The following POU6F2 variants were observed in gnomAD, a reference collection of about 807,000 sequenced individuals.
POU6F2 encodes POU class 6 homeobox 2, also known as POU domain, class 6, transcription factor 2.
POU6F2 carries 31 observed loss-of-function variants against 71.3 expected under a neutral mutation model. That is an observed-to-expected ratio of 0.43 (90% confidence interval 0.33 to 0.59). POU6F2 has a LOEUF of 0.59. POU6F2 is among the 20% of genes least tolerant of loss of function. The pLI is 0.04. For missense variants in POU6F2, 783 were observed against 856.8 expected (o/e 0.91, Z 1.07); for synonymous variants, 347 against 355.7 (o/e 0.98, Z 0.27).
intron 5 of POU6F2, among the ~76,000 whole-genome samples, chr7:39,370,004 A>G (rs956086068): frequency 1.3e-5 from 2 of 152,182 alleles, no homozygotes; most frequent in African/African-American, 2.4e-5. Flanking sequence ...ATTAGACATA[A>G]TGCTGTTGAA....
intron 4 of POU6F2, among the ~76,000 whole-genome samples, chr7:39,256,258 A>G (rs1784019881): frequency 6.6e-6 from 1 of 152,076 alleles, no homozygotes; most frequent in Non-Finnish European, 1.5e-5. Context: ...GCAGGCCCTC[A>G]ACGAGTGCTT....
intron 2 of POU6F2, among the ~76,000 whole-genome samples, chr7:39,129,265 C>A (rs1584557190): frequency 6.6e-6 from 1 of 152,254 alleles, no homozygotes; most frequent in Non-Finnish European, 1.5e-5. Flanking sequence ...AAGTCCCAAG[C>A]TTCATAAGAA....
intron 2 of POU6F2, among the ~76,000 whole-genome samples, chr7:39,097,203 T>C (rs1458156204): frequency 6.6e-6 from 1 of 152,156 alleles, no homozygotes; most frequent in African/African-American, 2.4e-5. Context: ...GTTATTATTA[T>C]TATTATTATT....
At chr7:39,256,562 A>G (rs1310847027) in intron 4 of POU6F2, among the ~76,000 whole-genome samples, 2 of 152,216 alleles carry the variant, frequency 1.3e-5, no homozygotes, top group East Asian at 3.9e-4. Context: ...GTAAATAAAA[A>G]TTAAGGTTGT....
chr7:39,055,037 T>C (rs1357871090), intron 1 of POU6F2, among the ~76,000 whole-genome samples: 1 of 152,050 alleles, frequency 6.6e-6, no homozygotes, highest in Non-Finnish European at 1.5e-5. Context: ...AAGATCACTT[T>C]GGGTGCAGAG....
intron 2 of POU6F2, among the ~76,000 whole-genome samples, chr7:39,185,811 ATATGTATATG>A (rs1793522400): frequency 1.7e-4 from 7 of 41,694 alleles, no homozygotes; most frequent in African/African-American, 2.7e-4. Context: ...ATATATATGT[ATATGTATATG>A]TATATGTATA....
chr7:39,331,611 G>A (rs1163837536), intron 4 of POU6F2, among the ~76,000 whole-genome samples: 3 of 152,086 alleles, frequency 2.0e-5, no homozygotes, highest in Non-Finnish European at 2.9e-5. Context: ...GGGTCCAAGC[G>A]ATTCTCCTGC....
intron 1 of POU6F2, among the ~76,000 whole-genome samples, chr7:38,988,719 G>T (rs1410309152): frequency 6.6e-6 from 1 of 152,124 alleles, no homozygotes; most frequent in Non-Finnish European, 1.5e-5. Flanking sequence ...ATTTTAGCAA[G>T]TAGAAAGCTG....
At chr7:39,397,814 G>GTA (rs150006644) in intron 5 of POU6F2, among the ~76,000 whole-genome samples, 2,986 of 128,342 alleles carry the variant, frequency 0.023, 54 homozygotes, top group Middle Eastern at 0.073. Context: ...TATATTTTGT[G>GTA]TATATATATA....
chr7:39,081,766 G>T (rs989200776), intron 1 of POU6F2, among the ~76,000 whole-genome samples: 2 of 152,290 alleles, frequency 1.3e-5, no homozygotes, highest in South Asian at 2.1e-4. Context: ...GGTTATCCAG[G>T]CTTTAACACC....
At chr7:39,173,089 A>G (rs1232886423) in intron 2 of POU6F2, among the ~76,000 whole-genome samples, 1 of 152,202 alleles carries the variant, frequency 6.6e-6, no homozygotes. Flanking sequence ...AATATACCCA[A>G]AAGATTATCA....
intron 6 of POU6F2, among the ~76,000 whole-genome samples, chr7:39,407,566 C>G (rs1482439357): frequency 6.6e-6 from 1 of 151,700 alleles, no homozygotes; most frequent in East Asian, 1.9e-4. Flanking sequence ...GGTTAGGACA[C>G]TTGGTTCTCC....
At chr7:39,160,433 A>G (rs1792971342) in intron 2 of POU6F2, among the ~76,000 whole-genome samples, 1 of 151,974 alleles carries the variant, frequency 6.6e-6, no homozygotes, top group African/African-American at 2.4e-5. Context: ...AGCCTTTCTG[A>G]TTGGAGCCTC....
At chr7:39,312,732 G>A (rs1317784359) in intron 4 of POU6F2, among the ~76,000 whole-genome samples, 2 of 152,148 alleles carry the variant, frequency 1.3e-5, no homozygotes, top group African/African-American at 4.8e-5. Flanking sequence ...AGGGTTACTT[G>A]AACACAAGCA....
chr7:39,151,557 A>C (rs768005813), intron 2 of POU6F2, among the ~76,000 whole-genome samples: 1 of 152,160 alleles, frequency 6.6e-6, no homozygotes, highest in Non-Finnish European at 1.5e-5. Context: ...AGAGATTTCT[A>C]TGATGCATCA....
rs543292993 is a variant in POU6F2, at chr7:39,030,853, C to T, written c.105+52795C>T. On this transcript the variant is annotated intron_variant, in intron 1 of 9. Transcript: ENST00000518318. Reference sequence around the variant, plus strand: ...GCACTGTTGCTTCATATCCTCCTGCCCCCCCCAAAAAAAAATTGAACTAAA... The same window carrying T: ...GCACTGTTGCTTCATATCCTCCTGCTCCCCCCAAAAAAAAATTGAACTAAA... Among the ~76,000 whole-genome samples, 306 of 150,356 alleles carry T rather than the reference C, an allele frequency of 2.0e-3. 1 individual carries two copies. The highest frequency in any genetic ancestry group is 7.2e-3 in the African/African-American group (292 of 40,780).
At chr7:39,126,458 C>T (rs565571706) in intron 2 of POU6F2, among the ~76,000 whole-genome samples, 3 of 152,128 alleles carry the variant, frequency 2.0e-5, no homozygotes, top group Non-Finnish European at 4.4e-5. Flanking sequence ...ATGAGCACTC[C>T]GTCATTAAGT....
At chr7:39,181,133 T>C (rs10252129) in intron 2 of POU6F2, among the ~76,000 whole-genome samples, 63,032 of 152,032 alleles carry the variant, frequency 0.41, 13,539 homozygotes, top group East Asian at 0.75. Context: ...TCTCTGCAGT[T>C]CTTTCAGGAA....
At chr7:39,029,494 G>A (rs996461594) in intron 1 of POU6F2, among the ~76,000 whole-genome samples, 1 of 90,672 alleles carries the variant, frequency 1.1e-5, no homozygotes, top group African/African-American at 3.7e-5. Context: ...ATTTCTGGGA[G>A]GGGGGGGTGG....
Sources: gnomAD v4.1 joint callset for allele counts (sites outside exome capture counted in the v4.1 genomes callset) on GRCh38, gnomAD v4.1.1 for gene constraint, MANE v1.5 for transcripts, NCBI Gene and HGNC (gene_info 2026-07-23, HGNC 2026-07-21) for gene names.